NBAS: variants seen among roughly 807,000 people sequenced by gnomAD.
The protein encoded by NBAS is NAG/BC035112 fusion.
Under a neutral mutation model 302.5 loss-of-function variants are expected in NBAS, and 219 were observed. The ratio of observed to expected loss-of-function variants is 0.72; its 90% CI spans 0.65 to 0.81. NBAS has a LOEUF of 0.81. Among genes scored for constraint, NBAS ranks in the 30% least tolerant of loss-of-function variants. The pLI, the probability that NBAS is intolerant of heterozygous loss-of-function variation, is 0.00. For missense variants in NBAS, 2,932 were observed against 2,841.6 expected, an observed-to-expected ratio of 1.03 and a Z score of -0.72; for synonymous variants, 1,118 against 1,021.6, an observed-to-expected ratio of 1.09 and a Z score of -1.80.
the NBAS span, among the ~76,000 whole-genome samples, chr2:15,048,711 G>A: frequency 5.3e-5 from 8 of 152,154 alleles, no homozygotes; most frequent in Non-Finnish European, 1.2e-4. Context: ...CTGAGACTAC[G>A]CTCCCCACAA....
chr2:15,073,666 T>A, the NBAS span, among the ~76,000 whole-genome samples: 1 of 152,232 alleles, frequency 6.6e-6, no homozygotes, highest in Admixed American at 6.5e-5. Flanking sequence ...CTTTCTCATG[T>A]TATACACAGA....
the NBAS span, among the ~76,000 whole-genome samples, chr2:14,874,634 T>C: frequency 6.7e-6 from 1 of 148,388 alleles, no homozygotes; most frequent in African/African-American, 2.5e-5. Context: ...AGCGAGACTC[T>C]GTCTCAAAAA....
chr2:15,056,486 T>C, the NBAS span, among the ~76,000 whole-genome samples: 3 of 152,372 alleles, frequency 2.0e-5, no homozygotes, highest in South Asian at 6.2e-4. Context: ...TGTGGACTCA[T>C]ATGAGACTCC....
intron 15 of NBAS, 24 bp downstream of exon 15, chr2:15,474,043 G>T (rs1418446159): frequency 6.2e-7 from 1 of 1,613,842 alleles, no homozygotes; most frequent in South Asian, 1.1e-5. Context: ...TTCAAACTTG[G>T]GTAGTAATAT....
At chr2:15,500,232 ATAAAG>A (rs879643413) in intron 11 of NBAS, among the ~76,000 whole-genome samples, 3 of 152,208 alleles carry the variant, frequency 2.0e-5, no homozygotes, top group Non-Finnish European at 2.9e-5. Flanking sequence ...TGTATTAAAA[ATAAAG>A]TAGTTTTCTA....
chr2:14,796,318 AT>A, the NBAS span, among the ~76,000 whole-genome samples: 1 of 152,112 alleles, frequency 6.6e-6, no homozygotes, highest in Non-Finnish European at 1.5e-5. Flanking sequence ...TATTTTGACT[AT>A]TTTTGTCATT....
chr2:14,984,158 C>T, the NBAS span, among the ~76,000 whole-genome samples: 5 of 152,288 alleles, frequency 3.3e-5, no homozygotes, highest in Non-Finnish European at 5.9e-5. Context: ...ATTCAGCGCC[C>T]TCTGCCCAAG....
intron 21 of NBAS, among the ~76,000 whole-genome samples, chr2:15,455,913 T>C (rs751654614): frequency 2.6e-4 from 40 of 152,104 alleles, no homozygotes; most frequent in Admixed American, 1.8e-3. Flanking sequence ...TTCTGAAATA[T>C]GCTATAGGCA....
the NBAS span, among the ~76,000 whole-genome samples, chr2:15,053,770 T>A: frequency 6.6e-6 from 1 of 152,044 alleles, no homozygotes; most frequent in South Asian, 2.1e-4. Flanking sequence ...ATGTACCATG[T>A]GACTCTGAAC....
At chr2:15,230,160 G>A (rs909701272) in intron 47 of NBAS, among the ~76,000 whole-genome samples, 1 of 152,108 alleles carries the variant, frequency 6.6e-6, no homozygotes, top group African/African-American at 2.4e-5. Flanking sequence ...GTCATGCCAA[G>A]GAATGAATAA....
At chr2:15,467,865 G>T in intron 17 of NBAS, 61 bp from the exon 18 acceptor site, 1 of 1,345,360 alleles carries the variant, frequency 7.4e-7, no homozygotes, top group Non-Finnish European at 1.0e-6. Flanking sequence ...GTTGTGAAAA[G>T]CTTTCTCCTA....
chr2:15,448,465 C>T (rs1040410186), intron 21 of NBAS, among the ~76,000 whole-genome samples: 11 of 152,084 alleles, frequency 7.2e-5, no homozygotes, highest in Admixed American at 6.6e-4. Flanking sequence ...AATGACTTTC[C>T]AAAAATAACA....
At chr2:15,070,484 G>A in the NBAS span, among the ~76,000 whole-genome samples, 2 of 152,112 alleles carry the variant, frequency 1.3e-5, no homozygotes, top group Non-Finnish European at 2.9e-5. Context: ...CATTTCTCAG[G>A]AGTGGCTCAC....
At chr2:15,538,572 T>C in intron 7 of NBAS, among the ~76,000 whole-genome samples, 1 of 152,212 alleles carries the variant, frequency 6.6e-6, no homozygotes, top group South Asian at 2.1e-4. Context: ...GATTCTAAGA[T>C]ACAGCCAGAG....
chr2:15,067,433 GGGAGAGGAGGGGAGA>G, the NBAS span, among the ~76,000 whole-genome samples: 1 of 45,106 alleles, frequency 2.2e-5, no homozygotes, highest in Non-Finnish European at 4.7e-5. Flanking sequence ...GGGAGAGGAG[GGGAGAGGAGGGGAGA>G]GGAGGGGAGA....
At chr2:14,842,692 G>T in the NBAS span, among the ~76,000 whole-genome samples, 1 of 151,738 alleles carries the variant, frequency 6.6e-6, no homozygotes, top group Non-Finnish European at 1.5e-5. Flanking sequence ...TCAAAGAAAA[G>T]TCTAAGATCT....
the NBAS span, among the ~76,000 whole-genome samples, chr2:14,984,361 G>A: frequency 5.9e-5 from 9 of 152,174 alleles, no homozygotes; most frequent in African/African-American, 1.2e-4. Flanking sequence ...TTTGCACTTC[G>A]GCTAGTAGAC....
At chr2:14,849,687 C>G in the NBAS span, among the ~76,000 whole-genome samples, 2 of 140,556 alleles carry the variant, frequency 1.4e-5, no homozygotes, top group East Asian at 3.9e-4. Flanking sequence ...AGAGAAAGGT[C>G]GGGTTACCCT....
At chr2:15,308,484 T>A (rs1449083709) in intron 39 of NBAS, 131 bp from the exon 40 acceptor site, 1 of 1,134,530 alleles carries the variant, frequency 8.8e-7, no homozygotes, top group Non-Finnish European at 1.3e-6. Flanking sequence ...AAGCTCAAGA[T>A]CAACTTAATA....
Sources: gnomAD v4.1 joint callset for allele counts (sites outside exome capture counted in the v4.1 genomes callset) on GRCh38, gnomAD v4.1.1 for gene constraint, MANE v1.5 for transcripts, NCBI Gene and HGNC (gene_info 2026-07-23, HGNC 2026-07-21) for gene names.